Variants in ARCN1 observed in about 807,000 individuals in gnomAD.
ARCN1 encodes the protein coatomer subunit delta.
ARCN1 carries 5 observed loss-of-function variants against 60.4 expected under a neutral mutation model. That is an observed-to-expected ratio of 0.08 (90% CI 0.04 to 0.17). The LOEUF is 0.17. Ranked by LOEUF, ARCN1 falls within the 10% of genes least tolerant of loss-of-function variation. The pLI, the probability that ARCN1 is intolerant of heterozygous loss-of-function variation, is 1.00. For missense variants in ARCN1, 464 were observed against 626.5 expected (o/e 0.74, Z 2.77); for synonymous variants, 224 against 220.0 (o/e 1.02, Z -0.16).
At chr11:118,576,180 T>A (rs575268301) in intron 1 of ARCN1, among the ~76,000 whole-genome samples, 6 of 152,192 alleles carry the variant, frequency 3.9e-5, no homozygotes, top group African/African-American at 1.4e-4. Context: ...TTGAGGCACT[T>A]AACAATTCAT....
chr11:118,593,751 G>C (rs1310132482), intron 8 of ARCN1, 53 bp downstream of exon 8: 9 of 1,307,710 alleles, frequency 6.9e-6, no homozygotes, highest in Non-Finnish European at 7.7e-6. Context: ...TGGTCTTTTG[G>C]AACTCATTTT....
At chr11:118,581,719 TG>T (rs1455183977) in intron 2 of ARCN1, among the ~76,000 whole-genome samples, 1 of 152,210 alleles carries the variant, frequency 6.6e-6, no homozygotes, top group African/African-American at 2.4e-5. Flanking sequence ...TGGGAACTAC[TG>T]TTTCATTTCC....
At chr11:118,578,872 CTCTTTT>C (rs1938584619) in intron 1 of ARCN1, among the ~76,000 whole-genome samples, 2 of 76,008 alleles carry the variant, frequency 2.6e-5, no homozygotes, top group Non-Finnish European at 5.0e-5. Flanking sequence ...AACCCCGTCT[CTCTTTT>C]TTTTTTTTTT....
Position 118,597,795 on chromosome 11 carries a change from G to A in ARCN1, c.1330G>A (p.Val444Met), listed in dbSNP as rs782251104. The A allele has an allele frequency of 1.2e-6, 2 of 1,614,094 alleles. No homozygotes were observed. The highest frequency in any genetic ancestry group is 2.7e-5 in the African/African-American group (2 of 74,934). ...AAATACCCTGGAGTGGTGCCTGCCTGTGATTGATGCCAAAAATAAGAGTGG... is the reference window on the plus strand; with the variant it reads ...AAATACCCTGGAGTGGTGCCTGCCTATGATTGATGCCAAAAATAAGAGTGG... ...RRNTLEWCLP[V>M]IDAKNKSGSL... The change falls in exon 9 of 10, where the codon GTG (valine) becomes ATG (methionine). Residue 444 changes from valine (V) to methionine (M), a missense_variant. Val to Met is a conservative substitution (Grantham distance 21). Coordinates refer to ENST00000264028, the MANE Select transcript of ARCN1 (RefSeq NM_001655.5).
rs1035221450 is a variant in ARCN1 at position 118,602,837 on chromosome 11, T to C, written c.*2123T>C. 1 of 153,720 alleles carries C rather than the reference T, an allele frequency of 6.5e-6. No individual in the cohort carries two copies. The highest frequency in any genetic ancestry group is 1.9e-4 in the East Asian group (1 of 5,200). The allele number at this position is 153,720 out of a possible 1,614,324, so 9.5% of individuals were successfully genotyped here. On this transcript the variant is annotated 3_prime_UTR_variant, in exon 10 of 10. Coordinates refer to ENST00000264028, the MANE Select transcript of ARCN1 (RefSeq NM_001655.5). ...GGTAATATTTAAAATGAGAGACATT[T>C]TGTAACCCTGTAAAATACATAGGGA...
intron 1 of ARCN1, among the ~76,000 whole-genome samples, chr11:118,574,095 G>A (rs1197198053): frequency 6.6e-6 from 1 of 152,050 alleles, no homozygotes. Flanking sequence ...AGCCCTACGT[G>A]ATATATATAA....
At chr11:118,593,865 A>T (rs1555076734) in intron 8 of ARCN1, 167 bp downstream of exon 8, 1 of 486,824 alleles carries the variant, frequency 2.1e-6, no homozygotes, top group Non-Finnish European at 3.7e-6. Flanking sequence ...ATGTGATTCC[A>T]CTTCTTTGTC....
rs980740109 is a variant in ARCN1, at chr11:118,593,143, A to G, written c.1132+287A>G. 2.6e-5 allele frequency among the ~76,000 whole-genome samples: 4 copies of G among 152,208 alleles called. No homozygotes were observed. The East Asian group carries it at 7.7e-4, about 29-fold the overall frequency. ...CAGTGGGGCAATCATAGCTCACTGCAGCATCAAACTCCTGGACTCAAGCCA... is the reference window on the plus strand; with the variant it reads ...CAGTGGGGCAATCATAGCTCACTGCGGCATCAAACTCCTGGACTCAAGCCA... On this transcript the variant is annotated intron_variant, in intron 7 of 9. Coordinates refer to ENST00000264028, the MANE Select transcript of ARCN1 (RefSeq NM_001655.5).
At chr11:118,587,218 G>A (rs1044609322) in intron 5 of ARCN1, among the ~76,000 whole-genome samples, 16 of 152,150 alleles carry the variant, frequency 1.1e-4, no homozygotes, top group African/African-American at 3.6e-4. Flanking sequence ...CATTCATATA[G>A]TACAAAATTC....
intron 5 of ARCN1, among the ~76,000 whole-genome samples, chr11:118,589,058 A>G (rs1021046313): frequency 1.3e-5 from 2 of 152,216 alleles, no homozygotes; most frequent in Admixed American, 1.3e-4. Flanking sequence ...CTATCAGTGT[A>G]AATTTGTGAA....
At chr11:118,586,296 G>A (rs983318585) in intron 5 of ARCN1, among the ~76,000 whole-genome samples, 5 of 151,842 alleles carry the variant, frequency 3.3e-5, no homozygotes, top group Non-Finnish European at 5.9e-5. Flanking sequence ...GAGTTTTGCC[G>A]TGTTGGCCAG....
chr11:118,580,029 A>G (rs1259634366), intron 1 of ARCN1, among the ~76,000 whole-genome samples: 1 of 152,156 alleles, frequency 6.6e-6, no homozygotes, highest in African/African-American at 2.4e-5. Context: ...AACACATGAA[A>G]TTGTGAGTTC....
chr11:118,581,961 C>A (rs1938664023), intron 2 of ARCN1, among the ~76,000 whole-genome samples: 1 of 151,498 alleles, frequency 6.6e-6, no homozygotes, highest in African/African-American at 2.4e-5. Flanking sequence ...CACACACACA[C>A]ACACACCTTT....
At chr11:118,572,610 G>C (rs1397657219) in intron 1 of ARCN1, 60 bp downstream of exon 1, 3 of 1,578,130 alleles carry the variant, frequency 1.9e-6, no homozygotes, top group Non-Finnish European at 1.7e-6. Flanking sequence ...TCTCCTTGTC[G>C]GCGGGCCTGG....
chr11:118,594,100 G>C (rs11216921), intron 8 of ARCN1: 23,385 of 154,324 alleles, frequency 0.15, 2,332 homozygotes, highest in East Asian at 0.52. Flanking sequence ...TTATAAATAA[G>C]TAAAGCAAGG....
chr11:118,600,963 G>A lies in ARCN1; in HGVS notation c.*249G>A, dbSNP rs958801890. On this transcript the variant is annotated 3_prime_UTR_variant, in exon 10 of 10. Transcript: ENST00000264028. ...TAATTTTCTTTGGCAGATTGTATTGGCCAGCAGGAAAGCAAGCTCTCCAGA... is the reference window on the plus strand; with the variant it reads ...TAATTTTCTTTGGCAGATTGTATTGACCAGCAGGAAAGCAAGCTCTCCAGA... 25 of 236,424 alleles carry A rather than the reference G, an allele frequency of 1.1e-4. No homozygotes were observed. The Admixed American group carries it at 1.3e-3, about 12-fold the overall frequency. 14.6% of individuals were successfully genotyped at this position (236,424 alleles called of 1,614,324 possible).
chr11:118,579,897 G>A (rs1938613407), intron 1 of ARCN1, among the ~76,000 whole-genome samples: 1 of 151,990 alleles, frequency 6.6e-6, no homozygotes, highest in South Asian at 2.1e-4. Flanking sequence ...TTGGTATTTA[G>A]CAGTTTTGAA....
intron 1 of ARCN1, among the ~76,000 whole-genome samples, chr11:118,579,955 A>G (rs1044004865): frequency 6.6e-6 from 1 of 152,182 alleles, no homozygotes; most frequent in Non-Finnish European, 1.5e-5. Context: ...CCCAAGTCAT[A>G]AAAACCCATT....
chr11:118,579,655 T>G (rs1444567250), intron 1 of ARCN1, among the ~76,000 whole-genome samples: 2 of 150,652 alleles, frequency 1.3e-5, no homozygotes, highest in African/African-American at 4.9e-5. Flanking sequence ...GCCATTGCAC[T>G]CCAGCCTGGG....
Sources: allele counts gnomAD v4.1 joint callset (sites outside exome capture counted in the v4.1 genomes callset), GRCh38; gene constraint gnomAD v4.1.1; transcripts MANE v1.5; gene names NCBI Gene and HGNC (gene_info 2026-07-23, HGNC 2026-07-21).